Variants in PLPP1 observed in about 807,000 individuals in gnomAD.
PLPP1 encodes phospholipid phosphatase 1, also known as lipid phosphate phosphohydrolase 1a.
Under a neutral mutation model 31.2 loss-of-function variants are expected in PLPP1, and 24 were observed. The ratio of observed to expected loss-of-function variants is 0.77; its 90% confidence interval spans 0.56 to 1.08. PLPP1 has a LOEUF of 1.08. Ranked by LOEUF, PLPP1 falls within the 50% of genes least tolerant of loss-of-function variation. The probability of loss-of-function intolerance (pLI) is 0.00; values close to 1 mark genes in which losing one functional copy is unlikely to be tolerated. For synonymous variants in PLPP1, 146 were observed against 126.3 expected (o/e 1.16, Z -1.05); for missense variants, 319 against 342.7 (o/e 0.93, Z 0.55).
intron 4 of PLPP1, among the ~76,000 whole-genome samples, chr5:55,430,400 T>C (rs1751319596): frequency 1.3e-5 from 2 of 152,208 alleles, no homozygotes; most frequent in African/African-American, 4.8e-5. Flanking sequence ...GCCCACCTAA[T>C]GTTCCCATCT....
intron 1 of PLPP1, chr5:55,530,473 T>C: frequency 8.2e-7 from 1 of 1,226,922 alleles, no homozygotes; most frequent in Non-Finnish European, 1.2e-6. Flanking sequence ...GTTTCTGTGT[T>C]ATCAGATGTG....
intron 4 of PLPP1, among the ~76,000 whole-genome samples, chr5:55,432,639 C>G (rs1751386039): frequency 1.5e-5 from 2 of 134,124 alleles, no homozygotes; most frequent in African/African-American, 5.6e-5. Context: ...AAAATGCTAG[C>G]CAGCCTAATT....
At chr5:55,519,019 A>G (rs1419750505) in intron 1 of PLPP1, among the ~76,000 whole-genome samples, 1 of 152,172 alleles carries the variant, frequency 6.6e-6, no homozygotes, top group Non-Finnish European at 1.5e-5. Flanking sequence ...CCACTCACTA[A>G]AAAATCATTT....
chr5:55,522,765 C>A (rs1185982153), intron 1 of PLPP1, among the ~76,000 whole-genome samples: 2 of 152,076 alleles, frequency 1.3e-5, no homozygotes, highest in Non-Finnish European at 2.9e-5. Context: ...ACTCTGTCAT[C>A]CAGTTTGGAG....
rs1239344113 is a variant in PLPP1 at position 55,442,666 on chromosome 5, T to TAAC, written c.492-759_492-758insGTT. On this transcript the variant is annotated intron_variant, in intron 3 of 5. Coordinates refer to ENST00000307259, the MANE Select transcript of PLPP1 (RefSeq NM_003711.4). ...GACGCCATCTCAAAAAAAAAAAAAT[T>TAAC]TGGTGTTTTAAATGGGCACACATCT... 7.4e-5 allele frequency among the ~76,000 whole-genome samples: 6 copies of TAAC among 81,130 alleles called. No individual in the cohort carries two copies. The South Asian group carries it at 2.6e-3, about 35-fold the overall frequency. 53.2% of individuals were successfully genotyped at this position (81,130 alleles called of 152,430 possible).
chr5:55,437,524 T>TA lies in PLPP1; in HGVS notation c.549+4326_549+4327insT, dbSNP rs1359011099. On this transcript the variant is annotated intron_variant, in intron 4 of 5. Transcript: ENST00000307259. ...AAATATTTATTATCTGACCTTTCAC[T>TA]GAAAAAAAAAAAAATACCAACCCCA... Among the ~76,000 whole-genome samples, 284 of 139,564 alleles carry TA rather than the reference T, an allele frequency of 2.0e-3. 1 individual carries two copies. The highest frequency in any genetic ancestry group is 3.8e-3 in the Middle Eastern group (1 of 264). The allele number at this position is 139,564 out of a possible 152,430, so 91.6% of individuals were successfully genotyped here. A position where few individuals can be genotyped will look rare whatever the true frequency, so the allele number is the denominator to read the frequency against.
Position 55,441,882 on chromosome 5 carries a change from G to A in PLPP1, c.518C>T (p.Ser173Leu), listed in dbSNP as rs758496246. The A allele has an allele frequency of 2.5e-6, 4 of 1,613,960 alleles. No homozygotes were observed. The highest frequency in any genetic ancestry group is 1.7e-4 in the Middle Eastern group (1 of 6,060). Residue 173 changes from serine (S) to leucine (L), a missense_variant, in exon 4 of 6, where the codon TCG (serine) becomes TTG (leucine). By Grantham distance (145) the Ser-to-Leu change is moderately radical. Transcript: ENST00000307259. Reference protein sequence around the residue: ...GRLSFYSGHSSFSMYCMLFVA... With the variant: ...GRLSFYSGHSLFSMYCMLFVA... ...AAACAGCATGCAGTACATGGAAAAC[G>A]AAGAGTGGCCTGAATAGAAGGACAA...
intron 3 of PLPP1, among the ~76,000 whole-genome samples, chr5:55,456,338 G>GA (rs1321594567): frequency 1.3e-5 from 2 of 151,994 alleles, no homozygotes; most frequent in Admixed American, 6.6e-5. Context: ...GAGTCAATGG[G>GA]AAAAAATCAA....
intron 2 of PLPP1, among the ~76,000 whole-genome samples, chr5:55,469,527 C>A (rs377008862): frequency 2.8e-3 from 419 of 148,944 alleles, no homozygotes; most frequent in African/African-American, 9.9e-3. Context: ...AAAAAAAAAA[C>A]CACTTAACCA....
intron 4 of PLPP1, 86 bp from the exon 5 acceptor site, chr5:55,426,125 T>C: frequency 8.5e-7 from 1 of 1,180,540 alleles, no homozygotes; most frequent in Non-Finnish European, 1.2e-6. Context: ...TTTGAAATGA[T>C]TATCAAAGTA....
At chr5:55,500,970 TAAG>T (rs977261710) in intron 1 of PLPP1, among the ~76,000 whole-genome samples, 9 of 152,204 alleles carry the variant, frequency 5.9e-5, no homozygotes, top group African/African-American at 2.2e-4. Flanking sequence ...CTACCTATAT[TAAG>T]AAGATTGAAA....
intron 4 of PLPP1, among the ~76,000 whole-genome samples, chr5:55,429,986 G>T (rs578186709): frequency 2.6e-5 from 4 of 152,166 alleles, no homozygotes; most frequent in Admixed American, 6.5e-5. Flanking sequence ...CTATGCCCAA[G>T]CACACCATCG....
intron 4 of PLPP1, among the ~76,000 whole-genome samples, chr5:55,441,157 A>G (rs1404739489): frequency 6.6e-6 from 1 of 152,202 alleles, no homozygotes; most frequent in Admixed American, 6.5e-5. Context: ...CTGGTCTTGC[A>G]TTAGTTACTC....
Position 55,437,825 on chromosome 5 carries a change from G to A in PLPP1, c.549+4026C>T, listed in dbSNP as rs181857083. On this transcript the variant is annotated intron_variant, in intron 4 of 5. Coordinates refer to ENST00000307259, the MANE Select transcript of PLPP1 (RefSeq NM_003711.4). Reference sequence around the variant, plus strand: ...GTTCGTAGGCTATGGGCCATGAGTTGTTCATCATTTGCCCAATGTTCAGCA... The same window carrying A: ...GTTCGTAGGCTATGGGCCATGAGTTATTCATCATTTGCCCAATGTTCAGCA... Among the ~76,000 whole-genome samples, 12 of 152,296 alleles carry A rather than the reference G, an allele frequency of 7.9e-5. No individual in the cohort carries two copies. In the East Asian group the frequency reaches 2.3e-3, roughly 29 times the overall value.
chr5:55,464,437 C>T lies in PLPP1; in HGVS notation c.491+3432G>A, dbSNP rs183589658. ...TTTTAGTAGAGATGGGGTTTCACTA[C>T]GTTGGCCAGGCTGGTCTCGAAATCC... On this transcript the variant is annotated intron_variant, in intron 3 of 5. Transcript: ENST00000307259. Among the ~76,000 whole-genome samples the T allele has an allele frequency of 1.3e-3, 204 of 152,034 alleles. 2 individuals carry two copies. In the Middle Eastern group the frequency reaches 0.024, roughly 18 times the overall value.
chr5:55,492,699 T>C (rs560261937), intron 1 of PLPP1, among the ~76,000 whole-genome samples: 1 of 152,326 alleles, frequency 6.6e-6, no homozygotes, highest in South Asian at 2.1e-4. Flanking sequence ...CCAACATGTA[T>C]TGCATGCTTG....
At chr5:55,444,811 C>G (rs185288574) in intron 3 of PLPP1, among the ~76,000 whole-genome samples, 1 of 146,992 alleles carries the variant, frequency 6.8e-6, no homozygotes, top group Non-Finnish European at 1.5e-5. Context: ...AGTGCAGTGG[C>G]GTGATTTGGC....
chr5:55,512,304 C>T (rs1237727017), intron 1 of PLPP1, among the ~76,000 whole-genome samples: 18 of 151,096 alleles, frequency 1.2e-4, no homozygotes, highest in Admixed American at 1.3e-4. Context: ...AATCCCGTCT[C>T]TACTAAAAAT....
intron 1 of PLPP1, among the ~76,000 whole-genome samples, chr5:55,487,773 T>C (rs1752804295): frequency 6.6e-6 from 1 of 152,170 alleles, no homozygotes; most frequent in African/African-American, 2.4e-5. Context: ...AATTCCTTCC[T>C]GCACATTCAA....
Sources: gnomAD v4.1 joint callset for allele counts (sites outside exome capture counted in the v4.1 genomes callset) on GRCh38, gnomAD v4.1.1 for gene constraint, MANE v1.5 for transcripts, NCBI Gene and HGNC (gene_info 2026-07-23, HGNC 2026-07-21) for gene names.